Variants in COL6A3 observed in about 807,000 individuals in gnomAD.
COL6A3 encodes collagen alpha-3(VI) chain.
In COL6A3, 137 loss-of-function variants were observed where a neutral mutation model predicts 274.1. The observed-to-expected ratio is 0.50, with a 90% CI of 0.44 to 0.58. COL6A3 has a LOEUF of 0.58. Among genes scored for constraint, COL6A3 ranks in the 20% least tolerant of loss-of-function variants. COL6A3 has a pLI of 0.00. For synonymous variants in COL6A3, 1,650 were observed against 1,650.6 expected (o/e 1.00, Z 0.01); for missense variants, 3,950 against 4,124.9 (o/e 0.96, Z 1.16).
At chr2:237,348,418 T>C (rs1389715813) in intron 29 of COL6A3, 34 bp from the exon 30 acceptor site, 6 of 1,551,424 alleles carry the variant, frequency 3.9e-6, no homozygotes, top group African/African-American at 1.4e-5. Flanking sequence ...TAATACTTGG[T>C]TCTAATTTAA....
In COL6A3 at chr2:237,367,094, G is replaced by A; in HGVS notation, c.5093C>T (p.Thr1698Ile). The A allele has an allele frequency of 6.2e-7, 1 of 1,614,190 alleles. No homozygotes were observed. The highest frequency in any genetic ancestry group is 8.5e-7 in the Non-Finnish European group (1 of 1,180,038). The change falls in exon 11 of 44, where the codon ACC becomes ATC. Residue 1698 changes from threonine (T) to isoleucine (I), a missense_variant. Physicochemically the swap from Thr to Ile is moderately conservative, Grantham distance 89 (BLOSUM62 -1). Coordinates refer to ENST00000295550, the MANE Select transcript of COL6A3 (RefSeq NM_004369.4). ...TDEFFLKDFS[T>I]KRQIIDAINK... ...GATGGCGTCAATAATCTGCCTCTTGGTAGAGAAGTCCTTCAGGAAGAATTC... is the reference window on the plus strand; with the variant it reads ...GATGGCGTCAATAATCTGCCTCTTGATAGAGAAGTCCTTCAGGAAGAATTC...
rs761799119 is a variant in COL6A3, at chr2:237,372,155, C to G, written c.3862G>C (p.Ala1288Pro). ...TGCACTTCATCCTTGCTGGAATGGG[C>G]GTTCAGCAGGAACTCCACCTTGGGG... ...DDPKVEFLLN[A>P]HSSKDEVQNA... Residue 1288 changes from alanine to proline, a missense_variant, in exon 9 of 44, where the codon GCC (alanine) becomes CCC (proline). Physicochemically the swap from Ala to Pro is conservative, Grantham distance 27. Transcript: ENST00000295550. The G allele has an allele frequency of 6.2e-7, 1 of 1,613,966 alleles. No homozygotes were observed. Among genetic ancestry groups the G allele is most frequent in the African/African-American group, 1.3e-5 (1 of 74,930 alleles).
At chr2:237,391,354 C>T (rs769399070) in intron 3 of COL6A3, among the ~76,000 whole-genome samples, 5 of 152,142 alleles carry the variant, frequency 3.3e-5, no homozygotes, top group Non-Finnish European at 5.9e-5. Flanking sequence ...TGGAAACACA[C>T]GATGTTGGTA....
At position 237,331,236 on chromosome 2, in the gene COL6A3, G is replaced by GT. The variant is rs1574920519; in HGVS notation, c.9328+2213dup. ...TGCAAAATATACATGCAACTACTGAGTAAGCATGCAGTTATTATCTTTTTT... is the reference window on the plus strand; with the variant it reads ...TGCAAAATATACATGCAACTACTGAGTTAAGCATGCAGTTATTATCTTTTTT... On this transcript the variant is annotated intron_variant, in intron 42 of 43. Transcript: ENST00000295550. 5.3e-5 allele frequency among the ~76,000 whole-genome samples: 8 copies of GT among 152,312 alleles called. No homozygotes were observed. In the East Asian group the frequency reaches 1.5e-3, roughly 29 times the overall value.
At chr2:237,391,504 CTGTT>C (rs200150873) in intron 3 of COL6A3, among the ~76,000 whole-genome samples, 37,702 of 149,980 alleles carry the variant, frequency 0.25, 4,806 homozygotes, top group Middle Eastern at 0.3. Flanking sequence ...GTCCCTTTCA[CTGTT>C]TGTTTGTTTG....
intron 42 of COL6A3, chr2:237,327,011 A>G (rs1173015338): frequency 6.6e-6 from 1 of 152,248 alleles, no homozygotes. Context: ...GGGCCCAGAA[A>G]GCCAGTGGTC....
Position 237,381,029 on chromosome 2 carries a change from T to C in COL6A3, c.1783A>G (p.Ile595Val). Residue 595 changes from isoleucine to valine, a missense_variant, in exon 5 of 44, where the codon ATC becomes GTC. Around this residue, in one of 5 missense-constraint regions of COL6A3, gnomAD observed 1,934 missense variants for 1,984.3 expected, o/e 0.97. Transcript: ENST00000295550. ...AACACCAGGGAGGAGTCGAAAGCGA[T>C]CTCTTCCAGCTCAGCCTGATCGGCA... ...KGADQAELEE[I>V]AFDSSLVFIP... 1 of 1,614,176 alleles carries C rather than the reference T, an allele frequency of 6.2e-7. No individual in the cohort carries two copies. The highest frequency in any genetic ancestry group is 8.5e-7 in the Non-Finnish European group (1 of 1,180,030).
chr2:237,366,050 T>C lies in COL6A3; in HGVS notation c.5501-15A>G, dbSNP rs761415715. ...CAGATTACAAGCTGGAAAGGAGAAATGCAGGTGATGAGTTCTCAGCTGGGG... is the reference window on the plus strand; with the variant it reads ...CAGATTACAAGCTGGAAAGGAGAAACGCAGGTGATGAGTTCTCAGCTGGGG... On this transcript the variant is annotated splice_polypyrimidine_tract_variant and intron_variant, in intron 11 of 43. Coordinates refer to ENST00000295550, the MANE Select transcript of COL6A3 (RefSeq NM_004369.4). The C allele has an allele frequency of 3.1e-6, 5 of 1,610,680 alleles. No homozygotes were observed. Among genetic ancestry groups the C allele is most frequent in the African/African-American group, 2.7e-5 (2 of 74,846 alleles).
chr2:237,372,012 G>A lies in COL6A3; in HGVS notation c.4005C>T (p.Gly1335=), dbSNP rs34503558. ...AGATGAGGACCAGGAACTGCGGGAC[G>A]CCCTCTTCAATGCGGCTCCCCAGGG... The part of the protein sequence containing the change: ...KRPLGSRIEE[G]VPQFLVLISS... Residue 1335 remains glycine, a synonymous_variant, in exon 9 of 44, where the codon GGC becomes GGT. Coordinates refer to ENST00000295550, the MANE Select transcript of COL6A3 (RefSeq NM_004369.4). The A allele has an allele frequency of 1.8e-3, 2,960 of 1,614,064 alleles. 57 individuals carry two copies. The African/African-American group carries it at 0.035, about 19-fold the overall frequency.
In COL6A3 at chr2:237,374,714, C is replaced by T. The variant is rs1183281648; in HGVS notation, c.3377G>A (p.Ser1126Asn). The change falls in exon 8 of 44, where the codon AGC becomes AAC. Residue 1126 changes from serine (S) to asparagine (N), a missense_variant. Around this residue, in one of 5 missense-constraint regions of COL6A3, gnomAD observed 1,934 missense variants for 1,984.3 expected, o/e 0.97. Coordinates refer to ENST00000295550, the MANE Select transcript of COL6A3 (RefSeq NM_004369.4). This position sits in a 1 kb window ranked among gnomAD's most constrained non-coding sequence, Gnocchi z 4.8. ...CTGGGGCACACCTTCTGTTATCCTGCTTCCCGCAGAGCTGACCAGGATGTT... is the reference window on the plus strand; with the variant it reads ...CTGGGGCACACCTTCTGTTATCCTGTTTCCCGCAGAGCTGACCAGGATGTT... Reference protein sequence around the residue: ...LRNILVSSAGSRITEGVPQLL... With the variant: ...LRNILVSSAGNRITEGVPQLL... 4 of 1,613,354 alleles carry T rather than the reference C, an allele frequency of 2.5e-6. No homozygotes were observed. Among genetic ancestry groups the T allele is most frequent in the Non-Finnish European group, 3.4e-6 (4 of 1,179,416 alleles).
In COL6A3 at chr2:237,387,990, T is replaced by G. The variant is rs772831026; in HGVS notation, c.904A>C (p.Lys302Gln). Reference protein sequence around the residue: ...TMFSLDTYSTKAQVLGAVKAL... With the variant: ...TMFSLDTYSTQAQVLGAVKAL... ...TTCACTGCACCCAGAACCTGGGCCT[T>G]GGTGGAGTAGGTGTCCAAGGAGAAC... Residue 302 changes from lysine to glutamine, a missense_variant, in exon 4 of 44, where the codon AAG becomes CAG. Lys to Gln is a moderately conservative substitution (Grantham distance 53). Transcript: ENST00000295550. 2 of 1,614,068 alleles carry G rather than the reference T, an allele frequency of 1.2e-6. No homozygotes were observed. Among genetic ancestry groups the G allele is most frequent in the East Asian group, 4.5e-5 (2 of 44,892 alleles).
At position 237,344,142 on chromosome 2, in the gene COL6A3, T is replaced by C; in HGVS notation, c.7668+208A>G. 2 of 718,116 alleles carry C rather than the reference T, an allele frequency of 2.8e-6. No homozygotes were observed. Among genetic ancestry groups the C allele is most frequent in the Non-Finnish European group, 4.9e-6 (2 of 406,780 alleles). The allele number at this position is 718,116 out of a possible 1,614,324, so 44.5% of individuals were successfully genotyped here. A position where few individuals can be genotyped will look rare whatever the true frequency, so the allele number is the denominator to read the frequency against. ...CATGTGAGGAGGGACCTGGGGGCAG[T>C]GCTACAAGCATGTAGGCGTCCCTGT... is the stretch of plus-strand genomic sequence containing the variant. On this transcript the variant is annotated intron_variant, in intron 36 of 43. Transcript: ENST00000295550. This position sits in a 1 kb window ranked among gnomAD's most constrained non-coding sequence, Gnocchi z 4.8.
chr2:237,376,401 G>A (rs1477643012), intron 7 of COL6A3, among the ~76,000 whole-genome samples: 1 of 152,232 alleles, frequency 6.6e-6, no homozygotes, highest in East Asian at 1.9e-4. Flanking sequence ...GGGTGAATAT[G>A]AAGATGAAGG....
chr2:237,383,000 T>G (rs1258605397), intron 4 of COL6A3, among the ~76,000 whole-genome samples: 1 of 152,202 alleles, frequency 6.6e-6, no homozygotes, highest in Non-Finnish European at 1.5e-5. Context: ...GGTTTCACCA[T>G]GCTGGTCAGG....
intron 28 of COL6A3, 75 bp downstream of exon 28, chr2:237,350,072 A>G (rs746487444): frequency 1.7e-5 from 24 of 1,374,948 alleles, no homozygotes; most frequent in Non-Finnish European, 2.5e-5. Flanking sequence ...CTTTATTTGG[A>G]ACCCTCTCCT....
rs552367353 is a variant in COL6A3, at chr2:237,380,450, G to C, written c.1897+465C>G. Among the ~76,000 whole-genome samples, 3 of 152,298 alleles carry C rather than the reference G, an allele frequency of 2.0e-5. No individual in the cohort carries two copies. In the South Asian group the frequency reaches 6.2e-4, roughly 32 times the overall value. On this transcript the variant is annotated intron_variant, in intron 5 of 43. Transcript: ENST00000295550. ...TTCCCATTGAGGGTAATCCCTTAAC[G>C]AGAGAGAAGAGAGGGATTAAAAGCT...
intron 8 of COL6A3, among the ~76,000 whole-genome samples, chr2:237,373,391 T>A (rs537359914): frequency 6.6e-6 from 1 of 152,306 alleles, no homozygotes; most frequent in East Asian, 1.9e-4. Flanking sequence ...CCTCTTTCAC[T>A]TTGTTTATCC....
At chr2:237,355,231 C>A in intron 23 of COL6A3, 1 of 417,746 alleles carries the variant, frequency 2.4e-6, no homozygotes, top group South Asian at 5.5e-5. Context: ...AATAATGACT[C>A]CTTTTGGCTG....
intron 20 of COL6A3, 146 bp from the exon 21 acceptor site, chr2:237,358,729 A>G (rs2077371949): frequency 1.2e-5 from 10 of 826,398 alleles, no homozygotes; most frequent in Non-Finnish European, 1.8e-5. Flanking sequence ...TCACTTCCAC[A>G]TATTTTTCAT....
Sources: allele counts gnomAD v4.1 joint callset (sites outside exome capture counted in the v4.1 genomes callset), GRCh38; gene constraint gnomAD v4.1.1; regional missense constraint gnomAD v4.1.1; non-coding constraint Gnocchi (gnomAD v3.1); transcripts MANE v1.5; gene names NCBI Gene and HGNC (gene_info 2026-07-23, HGNC 2026-07-21).